The following WASF2 variants were observed in gnomAD, a reference collection of about 807,000 sequenced individuals.
WASF2 encodes the protein actin-binding protein WASF2.
A neutral mutation model predicts 45.0 loss-of-function variants in WASF2; 14 were observed. The ratio of observed to expected loss-of-function variants is 0.31; its 90% CI spans 0.21 to 0.49. The LOEUF (loss-of-function observed/expected upper bound fraction) is 0.49, where lower values mean the gene tolerates loss of function less well. WASF2 is among the 20% of genes least tolerant of loss of function. WASF2 has a pLI of 0.99. For synonymous variants in WASF2, 200 were observed against 236.3 expected (o/e 0.85, Z 1.41); for missense variants, 439 against 636.1 (o/e 0.69, Z 3.33).
intron 7 of WASF2, among the ~76,000 whole-genome samples, chr1:27,411,583 G>C (rs1479524066): frequency 2.0e-5 from 3 of 152,230 alleles, no homozygotes; most frequent in Admixed American, 6.5e-5. Flanking sequence ...TAAGGAAAAG[G>C]CTGGGCATGG....
intron 1 of WASF2, among the ~76,000 whole-genome samples, chr1:27,434,062 G>A (rs927591292): frequency 6.6e-6 from 1 of 152,200 alleles, no homozygotes; most frequent in African/African-American, 2.4e-5. Flanking sequence ...TCAAATAGGA[G>A]AGCAATTAAA....
chr1:27,455,403 A>T (rs1486914857), intron 1 of WASF2, among the ~76,000 whole-genome samples: 2 of 152,170 alleles, frequency 1.3e-5, no homozygotes, highest in Admixed American at 6.6e-5. Context: ...TCTCTGGCAT[A>T]TATCAACACA....
intron 3 of WASF2, 134 bp from the exon 4 acceptor site, chr1:27,418,556 T>TC: frequency 8.0e-7 from 1 of 1,242,562 alleles, no homozygotes; most frequent in Non-Finnish European, 1.1e-6. Flanking sequence ...TTTTTTTCCC[T>TC]CCCCCTCTGG....
chr1:27,431,895 C>A (rs1571133553), intron 1 of WASF2, among the ~76,000 whole-genome samples: 1 of 152,184 alleles, frequency 6.6e-6, no homozygotes, highest in African/African-American at 2.4e-5. Context: ...CGGGAGGGTA[C>A]TCGAGAAATA....
At chr1:27,424,681 C>T (rs1224306570) in intron 2 of WASF2, among the ~76,000 whole-genome samples, 1 of 152,146 alleles carries the variant, frequency 6.6e-6, no homozygotes, top group Non-Finnish European at 1.5e-5. Context: ...CCACCACACC[C>T]AGCTAATTTC....
chr1:27,474,084 G>T (rs1480016101), intron 1 of WASF2, among the ~76,000 whole-genome samples: 1 of 152,138 alleles, frequency 6.6e-6, no homozygotes, highest in African/African-American at 2.4e-5. Flanking sequence ...CAGTAGCCCC[G>T]GCCAGGAATA....
intron 2 of WASF2, among the ~76,000 whole-genome samples, chr1:27,427,125 T>G (rs2016997176): frequency 6.6e-6 from 1 of 152,198 alleles, no homozygotes; most frequent in Admixed American, 6.5e-5. Flanking sequence ...TAAAATATGT[T>G]CAACACAAGT....
At chr1:27,449,701 A>G (rs1449498134) in intron 1 of WASF2, among the ~76,000 whole-genome samples, 2 of 152,160 alleles carry the variant, frequency 1.3e-5, no homozygotes, top group East Asian at 3.9e-4. Flanking sequence ...CTGGAACTCC[A>G]GTCTTATAGC....
intron 8 of WASF2, among the ~76,000 whole-genome samples, chr1:27,409,428 C>CAAAAAAAAA (rs60940665): frequency 1.2e-3 from 52 of 43,686 alleles, no homozygotes; most frequent in Non-Finnish European, 2.0e-3. Flanking sequence ...CTGTCCCCCA[C>CAAAAAAAAA]AAAAAAAAAA....
intron 1 of WASF2, among the ~76,000 whole-genome samples, chr1:27,435,582 T>C (rs756006468): frequency 1.8e-4 from 21 of 114,314 alleles, no homozygotes; most frequent in Non-Finnish European, 2.9e-4. Context: ...GACTCTGATA[T>C]CCACCCTACT....
chr1:27,468,980 C>T (rs1481163436), intron 1 of WASF2, among the ~76,000 whole-genome samples: 1 of 149,916 alleles, frequency 6.7e-6, no homozygotes, highest in Non-Finnish European at 1.5e-5. Context: ...AATGTATCAA[C>T]CTTGTCTGAA....
intron 1 of WASF2, among the ~76,000 whole-genome samples, chr1:27,434,897 AG>A (rs1200609421): frequency 6.6e-6 from 1 of 152,188 alleles, no homozygotes; most frequent in Non-Finnish European, 1.5e-5. Flanking sequence ...AGGCCCTTTA[AG>A]GTCCCCTCAA....
rs1351493532 is a variant in WASF2 at position 27,405,819 on chromosome 1, T to C, written c.*2370A>G. 1 of 152,518 alleles carries C rather than the reference T, an allele frequency of 6.6e-6. No homozygotes were observed. The highest frequency in any genetic ancestry group is 1.5e-5 in the Non-Finnish European group (1 of 68,032). 9.4% of individuals were successfully genotyped at this position (152,518 alleles called of 1,614,324 possible). On this transcript the variant is annotated 3_prime_UTR_variant, in exon 9 of 9. Coordinates refer to ENST00000618852, the MANE Select transcript of WASF2 (RefSeq NM_006990.5). ...ACTTGCAGATCATTACCAAACCAACTGTAGGATGAGAACATAGCACATCGA... is the reference window on the plus strand; with the variant it reads ...ACTTGCAGATCATTACCAAACCAACCGTAGGATGAGAACATAGCACATCGA...
intron 1 of WASF2, among the ~76,000 whole-genome samples, chr1:27,476,527 A>C (rs774128751): frequency 1.4e-4 from 21 of 152,198 alleles, no homozygotes; most frequent in Non-Finnish European, 2.8e-4. Context: ...CATGAGATTT[A>C]GAGAGGATAC....
At chr1:27,456,684 G>C (rs981901394) in intron 1 of WASF2, among the ~76,000 whole-genome samples, 1 of 151,494 alleles carries the variant, frequency 6.6e-6, no homozygotes, top group Non-Finnish European at 1.5e-5. Context: ...GCTTTCCTCT[G>C]GAAGAAGTTA....
chr1:27,446,781 C>CAA (rs397938564), intron 1 of WASF2, among the ~76,000 whole-genome samples: 19 of 121,492 alleles, frequency 1.6e-4, no homozygotes, highest in African/African-American at 5.5e-4. Context: ...AGCCTGTCTC[C>CAA]AAAAAAAAAA....
At chr1:27,418,606 G>T (rs889353309) in intron 3 of WASF2, among the ~76,000 whole-genome samples, 184 bp from the exon 4 acceptor site, 11 of 152,146 alleles carry the variant, frequency 7.2e-5, no homozygotes. Flanking sequence ...GTCGTTTCAC[G>T]ACTGAACAAA....
At chr1:27,421,843 G>T (rs2016912458) in intron 2 of WASF2, among the ~76,000 whole-genome samples, 1 of 151,976 alleles carries the variant, frequency 6.6e-6, no homozygotes, top group Non-Finnish European at 1.5e-5. Flanking sequence ...GGGCGTGGTG[G>T]CGGACACCTG....
intron 1 of WASF2, among the ~76,000 whole-genome samples, chr1:27,451,291 T>C (rs1488663324): frequency 6.6e-6 from 1 of 152,124 alleles, no homozygotes; most frequent in African/African-American, 2.4e-5. Context: ...CCAGCTCAAG[T>C]TGGGGCAAAG....
Sources: gnomAD v4.1 joint callset for allele counts (sites outside exome capture counted in the v4.1 genomes callset) on GRCh38, gnomAD v4.1.1 for gene constraint, MANE v1.5 for transcripts, NCBI Gene and HGNC (gene_info 2026-07-23, HGNC 2026-07-21) for gene names.